The following HEMK2 variants were observed in gnomAD, a reference collection of about 807,000 sequenced individuals.
The protein encoded by HEMK2 is HemK methyltransferase 2, ETF1 glutamine and histone H4 lysine, also known as methyltransferase HEMK2.
chr21:28,650,442 A>G, the HEMK2 span, among the ~76,000 whole-genome samples: 5 of 152,292 alleles, frequency 3.3e-5, no homozygotes, highest in South Asian at 1.0e-3. Context: ...CAGAATCAGC[A>G]TAGTGGTATT....
chr21:28,708,370 A>C, the HEMK2 span, among the ~76,000 whole-genome samples: 1 of 152,124 alleles, frequency 6.6e-6, no homozygotes, highest in Non-Finnish European at 1.5e-5. Flanking sequence ...TCTTCCACTC[A>C]TTATGTTATT....
At chr21:28,618,849 AAACT>A in the HEMK2 span, among the ~76,000 whole-genome samples, 4 of 152,146 alleles carry the variant, frequency 2.6e-5, no homozygotes, top group African/African-American at 9.7e-5. Context: ...ATGTAATAAT[AAACT>A]AACTTTTGAT....
At chr21:28,664,093 A>T in the HEMK2 span, among the ~76,000 whole-genome samples, 1 of 152,324 alleles carries the variant, frequency 6.6e-6, no homozygotes, top group Non-Finnish European at 1.5e-5. Context: ...TAGACATTAA[A>T]ACTGGAATTA....
the HEMK2 span, among the ~76,000 whole-genome samples, chr21:28,883,901 T>C: frequency 1.3e-5 from 2 of 152,170 alleles, no homozygotes; most frequent in African/African-American, 2.4e-5. Context: ...TATAATGTTA[T>C]ACATGCATCA....
chr21:28,604,609 AC>A, the HEMK2 span, among the ~76,000 whole-genome samples: 9,216 of 152,246 alleles, frequency 0.061, 340 homozygotes, highest in East Asian at 0.12. Flanking sequence ...TGCTGTACAA[AC>A]TGCTCAGCAA....
chr21:28,749,712 A>C, the HEMK2 span, among the ~76,000 whole-genome samples: 1 of 152,254 alleles, frequency 6.6e-6, no homozygotes, highest in Admixed American at 6.5e-5. Context: ...TAGCAATTTC[A>C]GGAGCAGGAT....
chr21:28,864,282 A>C, the HEMK2 span, among the ~76,000 whole-genome samples: 1 of 152,234 alleles, frequency 6.6e-6, no homozygotes, highest in Non-Finnish European at 1.5e-5. Flanking sequence ...TGAGAGAGAG[A>C]GAGCTATAAA....
chr21:28,613,819 G>A, the HEMK2 span, among the ~76,000 whole-genome samples: 1 of 151,962 alleles, frequency 6.6e-6, no homozygotes, highest in Non-Finnish European at 1.5e-5. Context: ...TGTAAGAAAT[G>A]TCCTCAAATC....
the HEMK2 span, among the ~76,000 whole-genome samples, chr21:28,707,457 T>G: frequency 6.6e-6 from 1 of 152,016 alleles, no homozygotes. Flanking sequence ...GATTTCACCA[T>G]GTTGGCCAGG....
the HEMK2 span, among the ~76,000 whole-genome samples, chr21:28,676,181 T>G: frequency 6.6e-6 from 1 of 152,212 alleles, no homozygotes; most frequent in Non-Finnish European, 1.5e-5. Context: ...TACAGAAATT[T>G]ATTGTTTAAC....
the HEMK2 span, among the ~76,000 whole-genome samples, chr21:28,879,080 C>CTTTT: frequency 9.1e-5 from 9 of 98,648 alleles, no homozygotes; most frequent in East Asian, 5.6e-4. Flanking sequence ...TAGATTGTTT[C>CTTTT]TTTTTTTTTT....
chr21:28,746,070 A>G, the HEMK2 span, among the ~76,000 whole-genome samples: 1 of 152,256 alleles, frequency 6.6e-6, no homozygotes. Context: ...ATCAAATAAC[A>G]GAATAACAAT....
At chr21:28,826,526 G>A in the HEMK2 span, among the ~76,000 whole-genome samples, 2 of 152,160 alleles carry the variant, frequency 1.3e-5, no homozygotes, top group East Asian at 3.8e-4. Context: ...CCACCAGAAT[G>A]GGGAGCATGA....
At chr21:28,799,855 G>A in the HEMK2 span, among the ~76,000 whole-genome samples, 2 of 151,940 alleles carry the variant, frequency 1.3e-5, no homozygotes, top group African/African-American at 4.8e-5. Context: ...AAAATGTTTG[G>A]CATGCCCAAA....
At chr21:28,784,931 T>G in the HEMK2 span, among the ~76,000 whole-genome samples, 1 of 152,192 alleles carries the variant, frequency 6.6e-6, no homozygotes, top group Non-Finnish European at 1.5e-5. Flanking sequence ...CTGCACTGCC[T>G]TATGAGCTAT....
At chr21:28,794,544 C>T in the HEMK2 span, among the ~76,000 whole-genome samples, 1 of 152,194 alleles carries the variant, frequency 6.6e-6, no homozygotes, top group African/African-American at 2.4e-5. Context: ...AACTGTTGTT[C>T]AGATCAGCAG....
At chr21:28,587,915 A>G in the HEMK2 span, among the ~76,000 whole-genome samples, 3 of 152,250 alleles carry the variant, frequency 2.0e-5, no homozygotes, top group Non-Finnish European at 4.4e-5. Flanking sequence ...ATGCAGATAT[A>G]TGCAGAGAGC....
At chr21:28,637,052 T>C in the HEMK2 span, among the ~76,000 whole-genome samples, 4 of 152,232 alleles carry the variant, frequency 2.6e-5, no homozygotes, top group Non-Finnish European at 5.9e-5. Flanking sequence ...TTTGATTTGC[T>C]GTGCTCAGAG....
At chr21:28,878,440 T>C in the HEMK2 span, 1 of 1,337,182 alleles carries the variant, frequency 7.5e-7, no homozygotes, top group Non-Finnish European at 1.1e-6. Context: ...TATTTTGCAT[T>C]TTACTGCTGA....
Sources: allele counts gnomAD v4.1 joint callset (sites outside exome capture counted in the v4.1 genomes callset), GRCh38; gene constraint gnomAD v4.1.1; transcripts MANE v1.5; gene names NCBI Gene and HGNC (gene_info 2026-07-23, HGNC 2026-07-21).